Variants in TP73 observed in about 807,000 individuals in gnomAD.
TP73 encodes p53-like transcription factor.
A neutral mutation model predicts 62.5 loss-of-function variants in TP73; 25 were observed. That is an observed-to-expected ratio of 0.40 (90% CI 0.29 to 0.56). The LOEUF (loss-of-function observed/expected upper bound fraction) is 0.56, where lower values mean the gene tolerates loss of function less well. TP73 is among the 20% of genes least tolerant of loss of function. The pLI is 0.46. For synonymous variants in TP73, 423 were observed against 377.5 expected (o/e 1.12, Z -1.40); for missense variants, 754 against 913.3 (o/e 0.83, Z 2.25).
In TP73 at chr1:3,663,695, C is replaced by CA. The variant is rs36060423; in HGVS notation, c.-34+11069dup. On this transcript the variant is annotated intron_variant, in intron 1 of 13. Transcript: ENST00000378295. The surrounding 1 kb of genome is among the most constrained non-coding windows in gnomAD (Gnocchi z 4.7). Reference sequence around the variant, plus strand: ...CGTGCAACAATGCGAGACTCCATCTCAAAAAAAAAAAAAAAGAAAGAAAGA... The same window carrying CA: ...CGTGCAACAATGCGAGACTCCATCTCAAAAAAAAAAAAAAAAGAAAGAAAGA... 0.019 allele frequency among the ~76,000 whole-genome samples: 2,487 copies of CA among 131,082 alleles called. 35 individuals are homozygous for CA. Among genetic ancestry groups the CA allele is most frequent in the Middle Eastern group, 0.04 (10 of 250 alleles). 86.0% of individuals were successfully genotyped at this position (131,082 alleles called of 152,430 possible).
At chr1:3,687,948 C>T (rs1457073602) in intron 3 of TP73, among the ~76,000 whole-genome samples, 2 of 152,136 alleles carry the variant, frequency 1.3e-5, no homozygotes, top group Non-Finnish European at 2.9e-5. Flanking sequence ...CTAGAGGTCA[C>T]CCCAGATAGG....
chr1:3,695,235 G>T (rs544816270), intron 3 of TP73, among the ~76,000 whole-genome samples: 3 of 152,214 alleles, frequency 2.0e-5, no homozygotes, highest in African/African-American at 7.2e-5. Context: ...TGGAGACGTC[G>T]GAGCTGGGTG....
intron 4 of TP73, among the ~76,000 whole-genome samples, chr1:3,717,287 C>T (rs536579891): frequency 1.3e-5 from 2 of 152,278 alleles, no homozygotes; most frequent in South Asian, 4.1e-4. Flanking sequence ...CCCAGGGCTC[C>T]CAGCCAGGCC....
rs74910150 is a variant in TP73, at chr1:3,672,057, A to G, written c.-33-10276A>G. ...TGTCTGGAAGGGCACGTCTGCTCAG[A>G]CCGCAGGGTAGGGAGTGGTCAGCAG... On this transcript the variant is annotated intron_variant, in intron 1 of 13. Transcript: ENST00000378295. This position sits in a 1 kb window ranked among gnomAD's most constrained non-coding sequence, Gnocchi z 5.3. 9.5e-3 allele frequency among the ~76,000 whole-genome samples: 1,446 copies of G among 152,166 alleles called. 42 individuals carry two copies. Among genetic ancestry groups the G allele is most frequent in the Admixed American group, 0.024 (368 of 15,290 alleles).
At chr1:3,688,497 G>A (rs1049868144) in intron 3 of TP73, among the ~76,000 whole-genome samples, 3 of 152,162 alleles carry the variant, frequency 2.0e-5, no homozygotes, top group East Asian at 1.9e-4. Flanking sequence ...CCTGTCCTGC[G>A]GCCCAGGGTC....
At chr1:3,721,377 A>C (rs949177187) in intron 4 of TP73, among the ~76,000 whole-genome samples, 1 of 152,226 alleles carries the variant, frequency 6.6e-6, no homozygotes, top group African/African-American at 2.4e-5. Flanking sequence ...AGAGTGGCCA[A>C]GACCAAGCCA....
intron 3 of TP73, among the ~76,000 whole-genome samples, chr1:3,702,967 G>A (rs1639321402): frequency 6.6e-6 from 1 of 152,204 alleles, no homozygotes; most frequent in South Asian, 2.1e-4. Context: ...ACCCCGAGCA[G>A]GAGCCAGGCC....
At chr1:3,682,581 T>G (rs1645551179) in intron 2 of TP73, 151 bp downstream of exon 2, 7 of 776,478 alleles carry the variant, frequency 9.0e-6, no homozygotes, top group Non-Finnish European at 1.3e-5. Flanking sequence ...ACTGAGACTT[T>G]GGGCTAAACT....
chr1:3,706,894 C>T (rs1022958532), intron 3 of TP73, among the ~76,000 whole-genome samples: 16 of 152,142 alleles, frequency 1.1e-4, no homozygotes, highest in African/African-American at 2.9e-4. Context: ...GAGGCTTTGC[C>T]GGCCCCTGAG....
intron 7 of TP73, 122 bp from the exon 8 acceptor site, chr1:3,727,506 T>C: frequency 7.3e-7 from 1 of 1,365,562 alleles, no homozygotes; most frequent in Non-Finnish European, 9.9e-7. Context: ...CGGCACTGGG[T>C]GCTCTGTGGT....
chr1:3,713,625 C>T lies in TP73; in HGVS notation c.429+5834C>T, dbSNP rs567682343. 5.0e-4 allele frequency among the ~76,000 whole-genome samples: 76 copies of T among 152,280 alleles called. 1 individual carries two copies. Among genetic ancestry groups the T allele is most frequent in the Admixed American group, 4.8e-3 (73 of 15,296 alleles). On this transcript the variant is annotated intron_variant, in intron 4 of 13. Transcript: ENST00000378295. ...GTTGAAGCCACGGACCCTGGAGACC[C>T]GGACCCTGGAGGCCCAGCCCCTGCC...
At chr1:3,689,207 G>C (rs751959061) in intron 3 of TP73, among the ~76,000 whole-genome samples, 1 of 152,078 alleles carries the variant, frequency 6.6e-6, no homozygotes, top group Non-Finnish European at 1.5e-5. Flanking sequence ...CTGCAAGGAG[G>C]CTGCTGCTTT....
At chr1:3,727,474 C>G in intron 7 of TP73, 154 bp from the exon 8 acceptor site, 2 of 1,176,378 alleles carry the variant, frequency 1.7e-6, no homozygotes, top group Non-Finnish European at 2.4e-6. Flanking sequence ...CTCTGACTCC[C>G]TCTAGCGGGA....
chr1:3,710,987 C>G (rs1019017945), intron 4 of TP73, among the ~76,000 whole-genome samples: 1 of 152,172 alleles, frequency 6.6e-6, no homozygotes, highest in Admixed American at 6.5e-5. Context: ...TAACCAGTGA[C>G]CAGTGACAGG....
At chr1:3,706,995 G>A (rs1387453127) in intron 3 of TP73, among the ~76,000 whole-genome samples, 1 of 152,030 alleles carries the variant, frequency 6.6e-6, no homozygotes, top group Non-Finnish European at 1.5e-5. Context: ...TTGAACAGCA[G>A]TTCCACCTTA....
intron 1 of TP73, among the ~76,000 whole-genome samples, chr1:3,656,706 C>T (rs2101996321): frequency 6.6e-6 from 1 of 152,332 alleles, no homozygotes; most frequent in African/African-American, 2.4e-5. Flanking sequence ...TTGGCTCAGA[C>T]ACGGCCCCCA....
At chr1:3,673,907 G>C (rs1012124660) in intron 1 of TP73, among the ~76,000 whole-genome samples, 1 of 152,170 alleles carries the variant, frequency 6.6e-6, no homozygotes, top group African/African-American at 2.4e-5. Context: ...GGGGATTGCA[G>C]CCGGGCCCGT....
chr1:3,729,918 A>C, intron 10 of TP73, 82 bp from the exon 11 acceptor site: 1 of 1,486,082 alleles, frequency 6.7e-7, no homozygotes, highest in South Asian at 1.3e-5. Flanking sequence ...CATTCGCAGC[A>C]TGGGGGCATC....
intron 12 of TP73, 51 bp downstream of exon 12, chr1:3,731,116 CCT>C: frequency 6.3e-7 from 1 of 1,584,398 alleles, no homozygotes; most frequent in East Asian, 2.3e-5. Context: ...TGTCTGTTCA[CCT>C]CTGTCCTTCT....
Sources: gnomAD v4.1 joint callset for allele counts (sites outside exome capture counted in the v4.1 genomes callset) on GRCh38, gnomAD v4.1.1 for gene constraint, Gnocchi (gnomAD v3.1) non-coding constraint, MANE v1.5 for transcripts, NCBI Gene and HGNC (gene_info 2026-07-23, HGNC 2026-07-21) for gene names.